The following CSMD1 variants were observed in gnomAD, a reference collection of about 807,000 sequenced individuals.
CSMD1 encodes CUB and sushi domain-containing protein 1.
CSMD1 carries 213 observed loss-of-function variants against 417.5 expected under a neutral mutation model. The observed-to-expected ratio is 0.51, with a 90% confidence interval of 0.46 to 0.57. The LOEUF (loss-of-function observed/expected upper bound fraction) is 0.57, where lower values mean the gene tolerates loss of function less well. Among genes scored for constraint, CSMD1 ranks in the 20% least tolerant of loss-of-function variants. The probability of loss-of-function intolerance (pLI) is 0.00; values close to 1 mark genes in which losing one functional copy is unlikely to be tolerated. For missense variants in CSMD1, 6,923 were observed against 4,529.7 expected (o/e 1.53, Z -15.17); for synonymous variants, 2,862 against 1,736.8 (o/e 1.65, Z -16.11).
intron 15 of CSMD1, among the ~76,000 whole-genome samples, chr8:3,404,494 T>C (rs561686140): frequency 1.9e-4 from 29 of 152,270 alleles, no homozygotes; most frequent in African/African-American, 6.0e-4. Context: ...AGACCCCAGC[T>C]CTGCTTAGAG....
intron 5 of CSMD1, among the ~76,000 whole-genome samples, chr8:3,974,516 C>A (rs1028487781): frequency 1.3e-5 from 2 of 151,956 alleles, no homozygotes; most frequent in South Asian, 4.2e-4. Context: ...AAAATAAAAT[C>A]TTTCATAGTA....
intron 3 of CSMD1, among the ~76,000 whole-genome samples, chr8:4,253,935 G>A (rs1364881558): frequency 1.2e-4 from 9 of 73,212 alleles, no homozygotes; most frequent in African/African-American, 5.4e-4. Flanking sequence ...TTTTTTTTTT[G>A]AGATGGAGTC....
intron 1 of CSMD1, among the ~76,000 whole-genome samples, chr8:4,698,324 T>TGGAA (rs1706703642): frequency 6.6e-6 from 1 of 152,120 alleles, no homozygotes. Context: ...CAACGGCTCA[T>TGGAA]GGAACTTAAA....
intron 3 of CSMD1, among the ~76,000 whole-genome samples, chr8:4,233,648 G>T (rs1003429797): frequency 6.6e-6 from 1 of 152,142 alleles, no homozygotes; most frequent in Non-Finnish European, 1.5e-5. Context: ...CTCCAGATCT[G>T]TGAGAAGCAA....
intron 1 of CSMD1, among the ~76,000 whole-genome samples, chr8:4,905,321 G>C (rs1008564428): frequency 3.3e-5 from 5 of 152,162 alleles, no homozygotes; most frequent in Admixed American, 2.6e-4. Context: ...GCTGTGTCAA[G>C]TAATATCATA....
At chr8:4,967,089 G>C (rs1311318494) in intron 1 of CSMD1, among the ~76,000 whole-genome samples, 2 of 152,156 alleles carry the variant, frequency 1.3e-5, no homozygotes, top group Admixed American at 1.3e-4. Context: ...GATTTGAAAT[G>C]TCTGAGCAGA....
At chr8:3,553,690 T>G (rs1371798526) in intron 10 of CSMD1, among the ~76,000 whole-genome samples, 1 of 152,198 alleles carries the variant, frequency 6.6e-6, no homozygotes, top group Admixed American at 6.5e-5. Context: ...CCAATTTTAG[T>G]AGGTCCATAG....
chr8:4,500,490 G>A (rs1585171133), intron 2 of CSMD1, among the ~76,000 whole-genome samples: 1 of 152,170 alleles, frequency 6.6e-6, no homozygotes, highest in Non-Finnish European at 1.5e-5. Flanking sequence ...TACGGAGTAT[G>A]ACTCCTTTTG....
At chr8:3,385,071 T>C (rs1398435420) in intron 18 of CSMD1, among the ~76,000 whole-genome samples, 1 of 114,264 alleles carries the variant, frequency 8.8e-6, no homozygotes, top group Non-Finnish European at 1.6e-5. Flanking sequence ...AATATATAAA[T>C]ATATATATAA....
chr8:3,597,967 C>G lies in CSMD1; in HGVS notation c.1098-11707G>C, dbSNP rs1004624464. ...AACCTGCACGTTGTGCACATGTACC[C>G]CAGAACTTAAGGTATATTAAAAAGT... On this transcript the variant is annotated intron_variant, in intron 8 of 69. Transcript: ENST00000635120. Among the ~76,000 whole-genome samples, 3 of 152,178 alleles carry G rather than the reference C, an allele frequency of 2.0e-5. No individual in the cohort carries two copies. In the South Asian group the frequency reaches 6.2e-4, roughly 32 times the overall value.
chr8:4,025,256 C>T (rs57185715), intron 4 of CSMD1, among the ~76,000 whole-genome samples: 2,515 of 152,276 alleles, frequency 0.017, 76 homozygotes, highest in African/African-American at 0.058. Flanking sequence ...TATTTACCTG[C>T]TTCCTTTCTA....
intron 5 of CSMD1, among the ~76,000 whole-genome samples, chr8:3,954,436 A>G (rs1009287264): frequency 2.6e-5 from 4 of 152,016 alleles, no homozygotes; most frequent in Admixed American, 6.5e-5. Context: ...TGGTGATCTC[A>G]GCTCACTGCA....
intron 5 of CSMD1, among the ~76,000 whole-genome samples, chr8:3,964,265 G>A (rs1186262576): frequency 6.6e-6 from 1 of 152,120 alleles, no homozygotes; most frequent in Admixed American, 6.5e-5. Flanking sequence ...CTCCTTTGGG[G>A]CTTAGAGCTC....
At chr8:4,699,618 G>C (rs1038738023) in intron 1 of CSMD1, among the ~76,000 whole-genome samples, 1 of 152,064 alleles carries the variant, frequency 6.6e-6, no homozygotes, top group African/African-American at 2.4e-5. Flanking sequence ...GCATTTATTT[G>C]TTGAGATATG....
chr8:3,794,713 A>G (rs1444126246), intron 5 of CSMD1, among the ~76,000 whole-genome samples: 2 of 152,132 alleles, frequency 1.3e-5, no homozygotes, highest in African/African-American at 4.8e-5. Context: ...TAAACCTAGC[A>G]AAACTCCTCC....
intron 10 of CSMD1, among the ~76,000 whole-genome samples, chr8:3,541,455 T>A (rs2117566671): frequency 6.6e-6 from 1 of 152,076 alleles, no homozygotes; most frequent in African/African-American, 2.4e-5. Context: ...GGTTGATAGG[T>A]GTAACAAACC....
chr8:4,063,826 G>T (rs560203805), intron 3 of CSMD1, among the ~76,000 whole-genome samples: 7 of 152,138 alleles, frequency 4.6e-5, no homozygotes, highest in African/African-American at 7.2e-5. Context: ...TTTGAATGTG[G>T]TAAGAAGGAA....
intron 9 of CSMD1, among the ~76,000 whole-genome samples, chr8:3,577,032 C>G (rs1028256801): frequency 1.3e-5 from 2 of 152,168 alleles, no homozygotes; most frequent in Non-Finnish European, 2.9e-5. Flanking sequence ...AAAAGTACAT[C>G]TGAAAAACAT....
chr8:3,408,371 A>T, intron 13 of CSMD1, 146 bp from the exon 14 acceptor site: 1 of 637,310 alleles, frequency 1.6e-6, no homozygotes, highest in Non-Finnish European at 2.7e-6. Context: ...GTAATTCTGG[A>T]CCATAATGTT....
Sources: allele counts gnomAD v4.1 joint callset (sites outside exome capture counted in the v4.1 genomes callset), GRCh38; gene constraint gnomAD v4.1.1; transcripts MANE v1.5; gene names NCBI Gene and HGNC (gene_info 2026-07-23, HGNC 2026-07-21).